GNAI3: variants seen among roughly 807,000 people sequenced by gnomAD.
The protein encoded by GNAI3 is G protein subunit alpha i3.
In GNAI3, 12 loss-of-function variants were observed where a neutral mutation model predicts 41.8. That is an observed-to-expected ratio of 0.29 (90% CI 0.18 to 0.47). The LOEUF (loss-of-function observed/expected upper bound fraction) is 0.47. Among genes scored for constraint, GNAI3 ranks in the 20% least tolerant of loss-of-function variants. The pLI, the probability that GNAI3 is intolerant of heterozygous loss-of-function variation, is 1.00. For synonymous variants in GNAI3, 132 were observed against 146.5 expected (o/e 0.90, Z 0.71); for missense variants, 360 against 429.6 (o/e 0.84, Z 1.43).
At chr1:109,575,493 G>A (rs1029027903) in intron 3 of GNAI3, among the ~76,000 whole-genome samples, 7 of 136,840 alleles carry the variant, frequency 5.1e-5, no homozygotes, top group Non-Finnish European at 1.1e-4. Context: ...TTTATTCCCC[G>A]CCGTCTGTCT....
chr1:109,586,878 C>T lies in GNAI3; in HGVS notation c.870C>T (p.Tyr290=). Residue 290 remains tyrosine, a synonymous_variant, in exon 7 of 9, where the codon TAC becomes TAT. Coordinates refer to ENST00000369851, the MANE Select transcript of GNAI3 (RefSeq NM_006496.4). The part of the protein sequence containing the change: ...RSPLTICYPE[Y]TGSNTYEEAA... ...CGTTAACTATCTGTTATCCAGAATACACAGGTAAGGGGTTATGAAAGATTT... is the reference window on the plus strand; with the variant it reads ...CGTTAACTATCTGTTATCCAGAATATACAGGTAAGGGGTTATGAAAGATTT... 1 of 1,591,560 alleles carries T rather than the reference C, an allele frequency of 6.3e-7. No homozygotes were observed. The highest frequency in any genetic ancestry group is 8.6e-7 in the Non-Finnish European group (1 of 1,160,758).
rs1354599953 is a variant in GNAI3 at position 109,596,025 on chromosome 1, A to G, written c.*3703A>G. 1 of 152,146 alleles carries G rather than the reference A, an allele frequency of 6.6e-6. No homozygotes were observed. Among genetic ancestry groups the G allele is most frequent in the Non-Finnish European group, 1.5e-5 (1 of 68,038 alleles). The allele number at this position is 152,146 out of a possible 1,614,324, so 9.4% of individuals were successfully genotyped here. ...CTTCGTAGTGCAAATCAGGGATCTG[A>G]CCTGGATCAGCCTCAGCTCTTTACA... On this transcript the variant is annotated 3_prime_UTR_variant, in exon 9 of 9. Coordinates refer to ENST00000369851, the MANE Select transcript of GNAI3 (RefSeq NM_006496.4).
rs1249303163 is a variant in GNAI3, at chr1:109,599,731, T to C, written c.*7409T>C. 1 of 152,220 alleles carries C rather than the reference T, an allele frequency of 6.6e-6. No individual in the cohort carries two copies. The highest frequency in any genetic ancestry group is 1.5e-5 in the Non-Finnish European group (1 of 68,048). The allele number at this position is 152,220 out of a possible 1,614,324, so 9.4% of individuals were successfully genotyped here. A position where few individuals can be genotyped will look rare whatever the true frequency, so the allele number is the denominator to read the frequency against. ...GATTTTATGCTGTTTTCATATTCTA[T>C]TTTGAGATCTATTTGTCTTAGCTTG... is the stretch of plus-strand genomic sequence containing the variant. On this transcript the variant is annotated 3_prime_UTR_variant, in exon 9 of 9. Coordinates refer to ENST00000369851, the MANE Select transcript of GNAI3 (RefSeq NM_006496.4).
intron 1 of GNAI3, among the ~76,000 whole-genome samples, chr1:109,556,367 G>A (rs572544828): frequency 1.3e-5 from 2 of 152,182 alleles, no homozygotes; most frequent in South Asian, 2.1e-4. Flanking sequence ...TCGCTCATCT[G>A]TAACCAGGAA....
chr1:109,565,542 G>A (rs1219866731), intron 1 of GNAI3, among the ~76,000 whole-genome samples: 1 of 152,178 alleles, frequency 6.6e-6, no homozygotes, highest in Non-Finnish European at 1.5e-5. Flanking sequence ...AACTACCTAC[G>A]TTGAAGATTC....
intron 5 of GNAI3, among the ~76,000 whole-genome samples, chr1:109,584,253 AT>A (rs1648981099): frequency 6.6e-6 from 1 of 152,208 alleles, no homozygotes; most frequent in Non-Finnish European, 1.5e-5. Flanking sequence ...GTGCAGGAAA[AT>A]AGCAGTTCAG....
chr1:109,574,820 T>G (rs1423278044), intron 3 of GNAI3, among the ~76,000 whole-genome samples: 1 of 152,194 alleles, frequency 6.6e-6, no homozygotes, highest in East Asian at 1.9e-4. Flanking sequence ...CATACTTATG[T>G]GCCATGGCGA....
In GNAI3 at chr1:109,597,100, A is replaced by C. The variant is rs1570557350; in HGVS notation, c.*4778A>C. 6.6e-6 allele frequency: 1 copy of C among 152,160 alleles called. No homozygotes were observed. The highest frequency in any genetic ancestry group is 1.5e-5 in the Non-Finnish European group (1 of 68,026). 9.4% of individuals were successfully genotyped at this position (152,160 alleles called of 1,614,324 possible). ...TCCTTTGAGTGTTATGTTGTTACCC[A>C]AAAAGCTTTTGATTTTGGAGCATTT... On this transcript the variant is annotated 3_prime_UTR_variant, in exon 9 of 9. Coordinates refer to ENST00000369851, the MANE Select transcript of GNAI3 (RefSeq NM_006496.4).
At chr1:109,553,531 C>T (rs1339787565) in intron 1 of GNAI3, among the ~76,000 whole-genome samples, 3 of 152,126 alleles carry the variant, frequency 2.0e-5, no homozygotes, top group Non-Finnish European at 4.4e-5. Flanking sequence ...GGTAAACATG[C>T]CATTACATTA....
chr1:109,579,171 G>A, intron 3 of GNAI3, 33 bp from the exon 4 acceptor site: 2 of 1,563,072 alleles, frequency 1.3e-6, no homozygotes, highest in South Asian at 2.3e-5. Context: ...GAAATGGAGA[G>A]TCATCTGTCT....
intron 1 of GNAI3, among the ~76,000 whole-genome samples, chr1:109,561,952 G>A (rs1648322944): frequency 6.6e-6 from 1 of 152,190 alleles, no homozygotes; most frequent in South Asian, 2.1e-4. Flanking sequence ...CAGAACATGA[G>A]TGAGCAAATA....
chr1:109,578,187 A>T (rs906283088), intron 3 of GNAI3, among the ~76,000 whole-genome samples: 1 of 151,954 alleles, frequency 6.6e-6, no homozygotes, highest in Non-Finnish European at 1.5e-5. Context: ...AACTATGGCT[A>T]TGTCTGGGCC....
chr1:109,598,307 G>T lies in GNAI3; in HGVS notation c.*5985G>T, dbSNP rs1307953058. ...AGACCTCTCAGAATCTTACGAGGTT[G>T]GAGAGTTGTTTGGAATGCTGGGTTC... On this transcript the variant is annotated 3_prime_UTR_variant, in exon 9 of 9. Transcript: ENST00000369851. The T allele has an allele frequency of 5.3e-5, 8 of 152,260 alleles. No individual in the cohort carries two copies. The highest frequency in any genetic ancestry group is 1.2e-4 in the Non-Finnish European group (8 of 68,110). The allele number at this position is 152,260 out of a possible 1,614,324, so 9.4% of individuals were successfully genotyped here.
intron 1 of GNAI3, among the ~76,000 whole-genome samples, chr1:109,568,275 C>A (rs978891266): frequency 6.6e-6 from 1 of 152,058 alleles, no homozygotes; most frequent in African/African-American, 2.4e-5. Context: ...TGGCTCGCCC[C>A]TGTAATACCA....
chr1:109,574,285 T>C (rs1401699934), intron 3 of GNAI3, among the ~76,000 whole-genome samples: 1 of 151,878 alleles, frequency 6.6e-6, no homozygotes, highest in Non-Finnish European at 1.5e-5. Context: ...AACTGTTCTA[T>C]TCAATTGCTT....
chr1:109,584,741 A>G (rs1291009372), intron 5 of GNAI3, among the ~76,000 whole-genome samples: 1 of 152,224 alleles, frequency 6.6e-6, no homozygotes, highest in Non-Finnish European at 1.5e-5. Flanking sequence ...TTGATCTCTT[A>G]GTGAATGATA....
chr1:109,553,625 A>G (rs1363932916), intron 1 of GNAI3, among the ~76,000 whole-genome samples: 1 of 152,110 alleles, frequency 6.6e-6, no homozygotes, highest in African/African-American at 2.4e-5. Context: ...TCATGTGAGG[A>G]TGCATCTGTG....
At chr1:109,587,346 A>G (rs1248127927) in intron 7 of GNAI3, among the ~76,000 whole-genome samples, 1 of 152,246 alleles carries the variant, frequency 6.6e-6, no homozygotes, top group Admixed American at 6.5e-5. Flanking sequence ...GTAGTTGCAG[A>G]GAGACATAAA....
intron 5 of GNAI3, among the ~76,000 whole-genome samples, chr1:109,584,876 G>T (rs1340927704): frequency 2.6e-5 from 4 of 152,238 alleles, no homozygotes; most frequent in African/African-American, 7.2e-5. Flanking sequence ...CCTCCATGGT[G>T]AAATATATGA....
Sources: gnomAD v4.1 joint callset for allele counts (sites outside exome capture counted in the v4.1 genomes callset) on GRCh38, gnomAD v4.1.1 for gene constraint, MANE v1.5 for transcripts, NCBI Gene and HGNC (gene_info 2026-07-23, HGNC 2026-07-21) for gene names.